The following USP49 variants were observed in gnomAD, a reference collection of about 807,000 sequenced individuals.
USP49 encodes ubiquitin specific peptidase 49, also known as ubiquitin carboxyl-terminal hydrolase 49.
USP49 carries 24 observed loss-of-function variants against 58.6 expected under a neutral mutation model. That is an observed-to-expected ratio of 0.41 (90% CI 0.30 to 0.58). The LOEUF (loss-of-function observed/expected upper bound fraction) is 0.58. Among genes scored for constraint, USP49 ranks in the 20% least tolerant of loss-of-function variants. The pLI, the probability that USP49 is intolerant of heterozygous loss-of-function variation, is 0.30. For missense variants in USP49, 703 were observed against 866.1 expected (o/e 0.81, Z 2.36); for synonymous variants, 408 against 365.1 (o/e 1.12, Z -1.34).
In USP49 at chr6:41,790,055, GGAAA is replaced by G. The variant is rs1464531766; in HGVS notation, c.*6474_*6477del. 2.0e-5 allele frequency: 3 copies of G among 150,050 alleles called. No individual in the cohort carries two copies. Among genetic ancestry groups the G allele is most frequent in the Non-Finnish European group, 4.4e-5 (3 of 67,534 alleles). 9.3% of individuals were successfully genotyped at this position (150,050 alleles called of 1,614,324 possible). A position where few individuals can be genotyped will look rare whatever the true frequency, so the allele number is the denominator to read the frequency against. On this transcript the variant is annotated 3_prime_UTR_variant, in exon 8 of 8. Coordinates refer to ENST00000682992, the MANE Select transcript of USP49 (RefSeq NM_001286554.2). ...GAGGTGGTTTGCTTCATTTTAAAAG[GGAAA>G]AAAAAAAAAGGAAGCTGTAACCATA...
At chr6:41,827,397 C>T (rs987471734) in intron 3 of USP49, among the ~76,000 whole-genome samples, 3 of 152,142 alleles carry the variant, frequency 2.0e-5, no homozygotes, top group Non-Finnish European at 4.4e-5. Context: ...CAGTGGCTCA[C>T]GCCTGTAATC....
chr6:41,812,381 A>T (rs1057205532), intron 3 of USP49, among the ~76,000 whole-genome samples: 3 of 143,086 alleles, frequency 2.1e-5, no homozygotes, highest in Non-Finnish European at 4.6e-5. Flanking sequence ...GCCCGGCCAG[A>T]TGATTTTTTT....
chr6:41,802,199 A>G (rs1262955646), intron 5 of USP49, among the ~76,000 whole-genome samples: 2 of 151,208 alleles, frequency 1.3e-5, no homozygotes, highest in Non-Finnish European at 1.5e-5. Flanking sequence ...TTTTGTTTTT[A>G]TTTTCCCTAA....
At chr6:41,802,425 TTA>T (rs1203198722) in intron 5 of USP49, among the ~76,000 whole-genome samples, 1 of 112,600 alleles carries the variant, frequency 8.9e-6, no homozygotes, top group Non-Finnish European at 1.9e-5. Flanking sequence ...TTATTTTATT[TTA>T]TTTTATTTAT....
chr6:41,846,912 C>G (rs1773934368), intron 3 of USP49, among the ~76,000 whole-genome samples: 1 of 152,074 alleles, frequency 6.6e-6, no homozygotes, highest in African/African-American at 2.4e-5. Context: ...TTCCAGAGTA[C>G]AGAAGACACT....
intron 3 of USP49, among the ~76,000 whole-genome samples, chr6:41,820,918 T>C (rs1305315993): frequency 5.9e-5 from 9 of 152,102 alleles, no homozygotes; most frequent in Non-Finnish European, 1.2e-4. Flanking sequence ...GGAGGATTGA[T>C]TGAGCCCGAG....
intron 1 of USP49, among the ~76,000 whole-genome samples, chr6:41,893,606 C>T (rs1774844510): frequency 6.6e-6 from 1 of 152,116 alleles, no homozygotes; most frequent in Non-Finnish European, 1.5e-5. Context: ...ACCCTTTCCC[C>T]GAATTATCAC....
intron 3 of USP49, among the ~76,000 whole-genome samples, chr6:41,853,755 G>A (rs896586400): frequency 6.6e-6 from 1 of 152,068 alleles, no homozygotes; most frequent in African/African-American, 2.4e-5. Context: ...CCAGCACTCT[G>A]GGAGGCCAAG....
intron 3 of USP49, among the ~76,000 whole-genome samples, chr6:41,814,825 CA>C (rs1045545275): frequency 1.3e-5 from 2 of 152,144 alleles, no homozygotes; most frequent in Non-Finnish European, 2.9e-5. Flanking sequence ...TGACAGCCTT[CA>C]TTTACATAAA....
intron 3 of USP49, among the ~76,000 whole-genome samples, chr6:41,865,107 C>T (rs527583955): frequency 6.6e-6 from 1 of 151,792 alleles, no homozygotes; most frequent in Admixed American, 6.6e-5. Flanking sequence ...TGCAATGGTG[C>T]AATCTCGGCT....
intron 3 of USP49, among the ~76,000 whole-genome samples, chr6:41,845,462 G>A (rs1554146030): frequency 6.6e-6 from 1 of 151,964 alleles, no homozygotes; most frequent in Non-Finnish European, 1.5e-5. Flanking sequence ...GGAGGTTGTG[G>A]TAAGCTGAGA....
At chr6:41,894,902 G>T (rs1020778514) in intron 1 of USP49, among the ~76,000 whole-genome samples, 3 of 151,600 alleles carry the variant, frequency 2.0e-5, no homozygotes, top group Non-Finnish European at 4.4e-5. Flanking sequence ...TCTCAACCCG[G>T]TTCCCCTCAT....
chr6:41,812,881 A>G (rs1053087129), intron 3 of USP49, among the ~76,000 whole-genome samples: 5 of 152,208 alleles, frequency 3.3e-5, no homozygotes, highest in Non-Finnish European at 5.9e-5. Context: ...ATCTGTATAT[A>G]TTCTCTATGT....
In USP49 at chr6:41,805,565, GCACT is replaced by G. The variant is rs1581992199; in HGVS notation, c.1356+59_1356+62del. 2.6e-6 allele frequency: 4 copies of G among 1,516,954 alleles called. No individual in the cohort carries two copies. The East Asian group carries it at 9.1e-5, about 34-fold the overall frequency. 94.0% of individuals were successfully genotyped at this position (1,516,954 alleles called of 1,614,324 possible). ...TTATTAGCCCAATAACCCGGGGAAG[GCACT>G]CACAGGAAGCCCAAGCTAACATACA... On this transcript the variant is annotated intron_variant, in intron 4 of 7. Coordinates refer to ENST00000682992, the MANE Select transcript of USP49 (RefSeq NM_001286554.2).
At position 41,790,998 on chromosome 6, in the gene USP49, T is replaced by C. The variant is rs568661548; in HGVS notation, c.*5535A>G. 19 of 152,310 alleles carry C rather than the reference T, an allele frequency of 1.2e-4. No individual in the cohort carries two copies. The highest frequency in any genetic ancestry group is 4.6e-4 in the African/African-American group (19 of 41,566). The allele number at this position is 152,310 out of a possible 1,614,324, so 9.4% of individuals were successfully genotyped here. A position where few individuals can be genotyped will look rare whatever the true frequency, so the allele number is the denominator to read the frequency against. ...CCCATTTAGACCTGCATCAGATCAC[T>C]TGCTAAGACAAGAAATACCAGCACC... On this transcript the variant is annotated 3_prime_UTR_variant, in exon 8 of 8. Coordinates refer to ENST00000682992, the MANE Select transcript of USP49 (RefSeq NM_001286554.2).
intron 3 of USP49, among the ~76,000 whole-genome samples, chr6:41,828,221 G>A (rs532096826): frequency 6.6e-6 from 1 of 152,096 alleles, no homozygotes; most frequent in East Asian, 1.9e-4. Context: ...GAGGCGGGCA[G>A]ATCACAAGGT....
chr6:41,872,275 A>G (rs1774423230), intron 2 of USP49, among the ~76,000 whole-genome samples: 1 of 152,256 alleles, frequency 6.6e-6, no homozygotes, highest in African/African-American at 2.4e-5. Flanking sequence ...CTGGGCCACC[A>G]CTGTAAGAGG....
intron 2 of USP49, among the ~76,000 whole-genome samples, chr6:41,890,280 G>A (rs1015570357): frequency 1.3e-5 from 2 of 151,606 alleles, no homozygotes; most frequent in Non-Finnish European, 2.9e-5. Flanking sequence ...TAGGGAGGCT[G>A]AGGCAGGAGA....
chr6:41,835,713 A>C (rs1280165670), intron 3 of USP49, among the ~76,000 whole-genome samples: 2 of 147,778 alleles, frequency 1.4e-5, no homozygotes, highest in Non-Finnish European at 3.0e-5. Flanking sequence ...ACTCTAAAAA[A>C]AAAAACAGAA....
Sources: allele counts gnomAD v4.1 joint callset (sites outside exome capture counted in the v4.1 genomes callset), GRCh38; gene constraint gnomAD v4.1.1; transcripts MANE v1.5; gene names NCBI Gene and HGNC (gene_info 2026-07-23, HGNC 2026-07-21).